Variants in PTPRA observed in about 807,000 individuals in gnomAD.
The protein encoded by PTPRA is protein tyrosine phosphatase receptor type A, also known as receptor-type tyrosine-protein phosphatase alpha.
A neutral mutation model predicts 104.8 loss-of-function variants in PTPRA; 25 were observed. The ratio of observed to expected loss-of-function variants is 0.24; its 90% CI spans 0.17 to 0.33. The LOEUF (loss-of-function observed/expected upper bound fraction) is 0.33. Ranked by LOEUF, PTPRA falls within the 10% of genes least tolerant of loss-of-function variation. PTPRA has a pLI of 1.00. For missense variants in PTPRA, 765 were observed against 1,015.3 expected, an observed-to-expected ratio of 0.75 and a Z score of 3.35; for synonymous variants, 323 against 368.9, an observed-to-expected ratio of 0.88 and a Z score of 1.43.
intron 6 of PTPRA, among the ~76,000 whole-genome samples, chr20:2,985,852 G>A (rs1430127105): frequency 6.6e-6 from 1 of 152,050 alleles, no homozygotes; most frequent in East Asian, 1.9e-4. Context: ...AAAGTGCTGG[G>A]ATAGGCATGA....
chr20:2,978,271 G>A (rs2062524652), intron 6 of PTPRA, among the ~76,000 whole-genome samples: 1 of 152,208 alleles, frequency 6.6e-6, no homozygotes, highest in Non-Finnish European at 1.5e-5. Flanking sequence ...TTAGGTTTCT[G>A]AATAATTTGG....
intron 20 of PTPRA, among the ~76,000 whole-genome samples, chr20:3,031,737 A>C (rs2065464131): frequency 6.7e-6 from 1 of 149,888 alleles, no homozygotes; most frequent in Admixed American, 6.7e-5. Context: ...TCTCAACATC[A>C]GTCACACCGA....
rs773680856 is a variant in PTPRA, at chr20:3,024,634, T to C, written c.1614+13T>C. On this transcript the variant is annotated intron_variant, in intron 17 of 23. Coordinates refer to ENST00000399903, the MANE Select transcript of PTPRA (RefSeq NM_001385305.1). ...GGAGGAGTTTAAGGTGAGTTGGAGC[T>C]GGATAACCTCCTTCAGATTGAAGGA... 4 of 1,613,818 alleles carry C rather than the reference T, an allele frequency of 2.5e-6. No individual in the cohort carries two copies. In the East Asian group the frequency reaches 8.9e-5, roughly 36 times the overall value.
At chr20:2,892,583 A>G (rs560958938) in intron 1 of PTPRA, among the ~76,000 whole-genome samples, 2 of 152,128 alleles carry the variant, frequency 1.3e-5, no homozygotes, top group South Asian at 4.2e-4. Context: ...AAATGAGTAT[A>G]CTCCATGGTG....
At chr20:2,989,831 C>T (rs1300794040) in intron 9 of PTPRA, among the ~76,000 whole-genome samples, 17 of 152,204 alleles carry the variant, frequency 1.1e-4, no homozygotes, top group Admixed American at 2.6e-4. Context: ...TCCTGGCTAA[C>T]ACAGTGAAAC....
At chr20:3,002,096 C>T (rs550215769) in intron 9 of PTPRA, among the ~76,000 whole-genome samples, 7 of 151,942 alleles carry the variant, frequency 4.6e-5, no homozygotes, top group South Asian at 2.1e-4. Context: ...GCTATGATGG[C>T]GCCACTGCAC....
chr20:2,993,818 A>G (rs545546200), intron 9 of PTPRA, among the ~76,000 whole-genome samples: 4 of 152,332 alleles, frequency 2.6e-5, no homozygotes, highest in African/African-American at 9.6e-5. Flanking sequence ...CTAATGGCCA[A>G]TGTTATTGAA....
chr20:2,990,483 T>G (rs1441605794), intron 9 of PTPRA, among the ~76,000 whole-genome samples: 3 of 152,160 alleles, frequency 2.0e-5, no homozygotes, highest in Non-Finnish European at 4.4e-5. Context: ...TTTGAGAGGC[T>G]GAGGCAGGCA....
At chr20:2,952,114 A>G (rs923004176) in intron 3 of PTPRA, among the ~76,000 whole-genome samples, 2 of 148,226 alleles carry the variant, frequency 1.3e-5, no homozygotes. Context: ...GCGAGACTCC[A>G]TCTCAAAAAA....
intron 2 of PTPRA, among the ~76,000 whole-genome samples, chr20:2,943,489 C>T (rs1412377723): frequency 5.3e-5 from 8 of 152,034 alleles, no homozygotes; most frequent in Non-Finnish European, 1.0e-4. Flanking sequence ...TTATGGAGGG[C>T]AACCTTCTGT....
intron 8 of PTPRA, 113 bp from the exon 9 acceptor site, chr20:2,988,225 A>G: frequency 6.5e-7 from 1 of 1,527,608 alleles, no homozygotes; most frequent in Non-Finnish European, 8.9e-7. Flanking sequence ...TTTTTGAAGA[A>G]AACAGTCCTA....
intron 20 of PTPRA, among the ~76,000 whole-genome samples, chr20:3,030,972 G>T (rs1009241725): frequency 2.0e-5 from 3 of 152,042 alleles, no homozygotes; most frequent in African/African-American, 7.2e-5. Context: ...GAGCCATTGC[G>T]CCTGGCCTCC....
intron 11 of PTPRA, among the ~76,000 whole-genome samples, chr20:3,014,889 C>T (rs2064358097): frequency 2.0e-5 from 3 of 152,160 alleles, no homozygotes; most frequent in South Asian, 2.1e-4. Context: ...TAAACAATGA[C>T]GTTGAAAAGA....
intron 1 of PTPRA, among the ~76,000 whole-genome samples, chr20:2,896,338 C>T (rs2058998210): frequency 6.6e-6 from 1 of 152,168 alleles, no homozygotes; most frequent in South Asian, 2.1e-4. Flanking sequence ...GAGATAGTGC[C>T]ACTGCAATCC....
At position 3,032,503 on chromosome 20, in the gene PTPRA, C is replaced by G. The variant is rs541518740; in HGVS notation, c.1921-3082C>G. Among the ~76,000 whole-genome samples the G allele has an allele frequency of 1.2e-4, 18 of 152,266 alleles. No individual in the cohort carries two copies. In the South Asian group the frequency reaches 2.3e-3, roughly 19 times the overall value. ...TGGCTTTCGGCCGGGCGCGGTGGCT[C>G]ACGCCTGTAATCCCAGCACTTTGGG... is the stretch of plus-strand genomic sequence containing the variant. On this transcript the variant is annotated intron_variant, in intron 20 of 23. Transcript: ENST00000399903.
chr20:2,923,233 T>C lies in PTPRA; in HGVS notation c.-102T>C, dbSNP rs1312284797. ...TGACACAACTAAAAAAAAACAAAGG[T>C]ATTTATGGAATTCCACTGAGTGGTA... On this transcript the variant is annotated 5_prime_UTR_variant, in exon 2 of 24. Coordinates refer to ENST00000399903, the MANE Select transcript of PTPRA (RefSeq NM_001385305.1). 6 of 1,263,198 alleles carry C rather than the reference T, an allele frequency of 4.7e-6. No homozygotes were observed. In the South Asian group the frequency reaches 7.8e-5, roughly 16 times the overall value. 78.2% of individuals were successfully genotyped at this position (1,263,198 alleles called of 1,614,324 possible). A position where few individuals can be genotyped will look rare whatever the true frequency, so the allele number is the denominator to read the frequency against.
At chr20:2,985,465 G>A (rs2062859102) in intron 6 of PTPRA, among the ~76,000 whole-genome samples, 1 of 152,172 alleles carries the variant, frequency 6.6e-6, no homozygotes, top group Non-Finnish European at 1.5e-5. Flanking sequence ...CTTTTAGCAG[G>A]TAGGAAAATG....
At chr20:2,901,947 G>A (rs1179724253) in intron 1 of PTPRA, among the ~76,000 whole-genome samples, 4 of 151,502 alleles carry the variant, frequency 2.6e-5, no homozygotes, top group African/African-American at 7.3e-5. Flanking sequence ...GTGCAGTGGC[G>A]CAGTCTTAGC....
chr20:2,917,901 C>T (rs939123146), intron 1 of PTPRA, among the ~76,000 whole-genome samples: 1 of 151,408 alleles, frequency 6.6e-6, no homozygotes, highest in African/African-American at 2.4e-5. Flanking sequence ...CAAGCCTGGC[C>T]AAGATTGTGA....
Sources: allele counts gnomAD v4.1 joint callset (sites outside exome capture counted in the v4.1 genomes callset), GRCh38; gene constraint gnomAD v4.1.1; transcripts MANE v1.5; gene names NCBI Gene and HGNC (gene_info 2026-07-23, HGNC 2026-07-21).